Variants in SUPT3H observed in about 807,000 individuals in gnomAD.
SUPT3H encodes transcription initiation protein SPT3 homolog.
In SUPT3H, 44 loss-of-function variants were observed where a neutral mutation model predicts 44.3. That is an observed-to-expected ratio of 0.99 (90% CI 0.78 to 1.28). SUPT3H has a LOEUF of 1.28. Ranked by LOEUF, SUPT3H falls within the 50% of genes most tolerant of loss-of-function variation. The probability of loss-of-function intolerance (pLI) is 0.00; values close to 1 mark genes in which losing one functional copy is unlikely to be tolerated. For synonymous variants in SUPT3H, 124 were observed against 125.6 expected (o/e 0.99, Z 0.09); for missense variants, 380 against 387.1 (o/e 0.98, Z 0.15).
At chr6:45,118,464 CTCT>C (rs1431830185) in intron 2 of SUPT3H, among the ~76,000 whole-genome samples, 1 of 152,076 alleles carries the variant, frequency 6.6e-6, no homozygotes, top group Non-Finnish European at 1.5e-5. Flanking sequence ...TTTCAAACTC[CTCT>C]GTTTATTATA....
chr6:44,859,205 T>C (rs1406138147), intron 10 of SUPT3H, among the ~76,000 whole-genome samples: 1 of 152,236 alleles, frequency 6.6e-6, no homozygotes, highest in East Asian at 1.9e-4. Flanking sequence ...AGGGTGATAC[T>C]GTGTCTCTTA....
chr6:45,371,277 T>C (rs924415384), intron 1 of SUPT3H, among the ~76,000 whole-genome samples: 3 of 152,154 alleles, frequency 2.0e-5, no homozygotes, highest in Admixed American at 6.6e-5. Flanking sequence ...AAATATCTGA[T>C]GTGTTTAAAA....
At chr6:44,983,938 A>G (rs918762535) in intron 6 of SUPT3H, among the ~76,000 whole-genome samples, 1 of 152,202 alleles carries the variant, frequency 6.6e-6, no homozygotes, top group Non-Finnish European at 1.5e-5. Flanking sequence ...AGCTTTTTAA[A>G]GAAAATTTAG....
intron 2 of SUPT3H, among the ~76,000 whole-genome samples, chr6:45,283,372 A>G (rs555170974): frequency 6.6e-6 from 1 of 152,302 alleles, no homozygotes; most frequent in South Asian, 2.1e-4. Context: ...ATAGGATCAA[A>G]ATAAAGGGAT....
intron 2 of SUPT3H, among the ~76,000 whole-genome samples, chr6:45,176,730 G>C (rs948934458): frequency 2.6e-5 from 4 of 152,212 alleles, no homozygotes; most frequent in South Asian, 2.1e-4. Flanking sequence ...GGAGATCTGA[G>C]AACAGGCAGA....
chr6:45,248,549 C>G (rs1004779316), intron 2 of SUPT3H, among the ~76,000 whole-genome samples: 3 of 152,094 alleles, frequency 2.0e-5, no homozygotes, highest in African/African-American at 7.2e-5. Context: ...ATCTTCACAC[C>G]TATTAGAATG....
chr6:45,353,896 T>A, intron 2 of SUPT3H, among the ~76,000 whole-genome samples: 1 of 149,592 alleles, frequency 6.7e-6, no homozygotes, highest in East Asian at 2.0e-4. Flanking sequence ...CTTTAGTATA[T>A]CAAAGGTCCT....
intron 6 of SUPT3H, among the ~76,000 whole-genome samples, chr6:44,990,536 C>T (rs1265082588): frequency 6.6e-6 from 1 of 151,484 alleles, no homozygotes; most frequent in Non-Finnish European, 1.5e-5. Flanking sequence ...GATATTCTTC[C>T]CCTCTAAATC....
At chr6:45,276,893 T>G (rs1777120601) in intron 2 of SUPT3H, among the ~76,000 whole-genome samples, 1 of 152,194 alleles carries the variant, frequency 6.6e-6, no homozygotes, top group South Asian at 2.1e-4. Flanking sequence ...AGATAACTGA[T>G]ACAAGATACT....
intron 2 of SUPT3H, among the ~76,000 whole-genome samples, chr6:45,238,628 G>A (rs1769674109): frequency 6.6e-6 from 1 of 152,128 alleles, no homozygotes; most frequent in Non-Finnish European, 1.5e-5. Context: ...ACCTACTGTT[G>A]TTATTTTGTT....
intron 2 of SUPT3H, chr6:45,328,371 A>C (rs762384261): frequency 2.2e-6 from 3 of 1,389,440 alleles, no homozygotes. Flanking sequence ...GTGCGGTGCA[A>C]ACTTTCTCCA....
chr6:44,957,931 G>A lies in SUPT3H; in HGVS notation c.581-3324C>T, dbSNP rs367562818. Among the ~76,000 whole-genome samples the A allele has an allele frequency of 4.3e-4, 66 of 152,306 alleles. 2 individuals are homozygous for A. In the South Asian group the frequency reaches 0.013, roughly 30 times the overall value. ...GCTAATTCCTTCCCTGTCATGTGGA[G>A]AAGGATGGCTTTAGAGCCTCACCCT... On this transcript the variant is annotated intron_variant, in intron 7 of 10. Transcript: ENST00000371459.
chr6:45,214,653 C>T (rs561985619), intron 2 of SUPT3H, among the ~76,000 whole-genome samples: 1 of 152,206 alleles, frequency 6.6e-6, no homozygotes, highest in South Asian at 2.1e-4. Flanking sequence ...TGAAGACCAG[C>T]CTGAGCAATA....
intron 10 of SUPT3H, among the ~76,000 whole-genome samples, chr6:44,890,539 C>G (rs933451350): frequency 1.4e-5 from 2 of 140,290 alleles, no homozygotes; most frequent in South Asian, 2.3e-4. Flanking sequence ...TATTCTCACT[C>G]ATAGGTGGGA....
At chr6:44,970,025 T>C (rs1777343271) in intron 6 of SUPT3H, among the ~76,000 whole-genome samples, 2 of 152,310 alleles carry the variant, frequency 1.3e-5, no homozygotes, top group African/African-American at 4.8e-5. Flanking sequence ...ATATTTGTGC[T>C]ACTATGACAT....
intron 10 of SUPT3H, among the ~76,000 whole-genome samples, chr6:44,868,960 CTT>C (rs1775931762): frequency 6.6e-6 from 1 of 152,222 alleles, no homozygotes; most frequent in African/African-American, 2.4e-5. Context: ...CCTGGCTTCT[CTT>C]TGTCACTTTT....
intron 2 of SUPT3H, among the ~76,000 whole-genome samples, chr6:45,135,483 C>T (rs1460925185): frequency 6.6e-6 from 1 of 152,108 alleles, no homozygotes; most frequent in Non-Finnish European, 1.5e-5. Context: ...GGCCATGTAG[C>T]ACCTTCAATA....
chr6:45,018,025 G>A (rs1283636024), intron 4 of SUPT3H, among the ~76,000 whole-genome samples: 6 of 151,958 alleles, frequency 3.9e-5, no homozygotes, highest in Non-Finnish European at 8.8e-5. Context: ...ATTTCCTTGA[G>A]CAATGGTTTG....
At chr6:44,940,567 ATT>A (rs1285342870) in intron 9 of SUPT3H, among the ~76,000 whole-genome samples, 1 of 152,082 alleles carries the variant, frequency 6.6e-6, no homozygotes, top group African/African-American at 2.4e-5. Context: ...CTAAAGTCCA[ATT>A]TAAGTCCAAT....
Sources: gnomAD v4.1 joint callset for allele counts (sites outside exome capture counted in the v4.1 genomes callset) on GRCh38, gnomAD v4.1.1 for gene constraint, MANE v1.5 for transcripts, NCBI Gene and HGNC (gene_info 2026-07-23, HGNC 2026-07-21) for gene names.